THSD7B: variants seen among roughly 807,000 people sequenced by gnomAD.
THSD7B encodes thrombospondin type 1 domain containing 7B.
Under a neutral mutation model 213.6 loss-of-function variants are expected in THSD7B, and 138 were observed. That is an observed-to-expected ratio of 0.65 (90% CI 0.56 to 0.74). The LOEUF is 0.74. THSD7B is among the 30% of genes least tolerant of loss of function. THSD7B has a pLI of 0.00. For missense variants in THSD7B, 1,931 were observed against 1,991.5 expected (o/e 0.97, Z 0.58); for synonymous variants, 742 against 687.0 (o/e 1.08, Z -1.25).
chr2:136,882,042 A>G lies in THSD7B; in HGVS notation c.-35-102A>G, dbSNP rs141256107. 233 of 882,606 alleles carry G rather than the reference A, an allele frequency of 2.6e-4. No individual in the cohort carries two copies. The African/African-American group carries it at 3.8e-3, about 14-fold the overall frequency. The allele number at this position is 882,606 out of a possible 1,614,324, so 54.7% of individuals were successfully genotyped here. ...ATATGTACTATCTTCATGCTAATGA[A>G]AAACTTGCAATACCATCATAATAAA... On this transcript the variant is annotated intron_variant, in intron 1 of 27. Transcript: ENST00000409968.
At chr2:137,120,126 G>C (rs1282277671) in intron 5 of THSD7B, among the ~76,000 whole-genome samples, 1 of 152,092 alleles carries the variant, frequency 6.6e-6, no homozygotes, top group Non-Finnish European at 1.5e-5. Flanking sequence ...GAGATAACGG[G>C]ATAAAATAAC....
At chr2:137,658,571 A>C (rs1242327902) in intron 24 of THSD7B, among the ~76,000 whole-genome samples, 3 of 152,184 alleles carry the variant, frequency 2.0e-5, no homozygotes, top group African/African-American at 7.2e-5. Flanking sequence ...TGGTTGAAAG[A>C]ACGGAAACCC....
chr2:137,449,928 TC>T (rs1412816421), intron 14 of THSD7B, among the ~76,000 whole-genome samples: 1 of 152,072 alleles, frequency 6.6e-6, no homozygotes, highest in African/African-American at 2.4e-5. Context: ...CACAGTTCCT[TC>T]CCACACTCAA....
rs373203305 is a variant in THSD7B at position 137,108,377 on chromosome 2, T to C, written c.1200-6747T>C. ...ATAGTTTCTTAAATGTGCCTACTTT[T>C]CTAATTTTGGCTTTGCTAATTTAGG... is the stretch of plus-strand genomic sequence containing the variant. On this transcript the variant is annotated intron_variant, in intron 4 of 27. Coordinates refer to ENST00000409968, the MANE Select transcript of THSD7B (RefSeq NM_001316349.2). Among the ~76,000 whole-genome samples the C allele has an allele frequency of 8.5e-5, 13 of 152,376 alleles. No homozygotes were observed. In the East Asian group the frequency reaches 1.5e-3, roughly 18 times the overall value.
At chr2:137,347,899 G>C (rs1415559229) in intron 12 of THSD7B, among the ~76,000 whole-genome samples, 1 of 151,150 alleles carries the variant, frequency 6.6e-6, no homozygotes, top group African/African-American at 2.4e-5. Flanking sequence ...GAATTGTCAT[G>C]ATCAAATCAC....
At chr2:136,828,066 A>G (rs1682688163) in intron 1 of THSD7B, among the ~76,000 whole-genome samples, 1 of 151,944 alleles carries the variant, frequency 6.6e-6, no homozygotes, top group Non-Finnish European at 1.5e-5. Context: ...GTGAGTGAAG[A>G]TTGGGGTATA....
intron 1 of THSD7B, among the ~76,000 whole-genome samples, chr2:136,787,667 G>A (rs1681890902): frequency 6.6e-6 from 1 of 152,124 alleles, no homozygotes; most frequent in Admixed American, 6.5e-5. Context: ...AGTGGGTATG[G>A]TAGATTGTAT....
chr2:137,419,470 A>G (rs1205955337), intron 14 of THSD7B, among the ~76,000 whole-genome samples: 2 of 148,984 alleles, frequency 1.3e-5, no homozygotes, highest in Non-Finnish European at 3.0e-5. Context: ...AGCTCTCTGC[A>G]GAGATGGGAT....
At chr2:137,257,183 T>C (rs1682332276) in intron 10 of THSD7B, among the ~76,000 whole-genome samples, 1 of 152,196 alleles carries the variant, frequency 6.6e-6, no homozygotes, top group East Asian at 1.9e-4. Flanking sequence ...TCATGAGTTT[T>C]GGAGGGGGCA....
chr2:137,446,049 G>C (rs1687530157), intron 14 of THSD7B, among the ~76,000 whole-genome samples: 1 of 151,148 alleles, frequency 6.6e-6, no homozygotes, highest in Non-Finnish European at 1.5e-5. Context: ...TTTCCTTTTT[G>C]GTACTATGTT....
intron 2 of THSD7B, among the ~76,000 whole-genome samples, chr2:136,983,825 C>T (rs521560): frequency 0.41 from 62,291 of 152,026 alleles, 15,180 homozygotes; most frequent in Non-Finnish European, 0.55. Context: ...TTTCAGGAAC[C>T]GTCAGTTTGC....
At chr2:137,393,144 AG>A (rs1686075900) in intron 12 of THSD7B, among the ~76,000 whole-genome samples, 1 of 137,292 alleles carries the variant, frequency 7.3e-6, no homozygotes, top group Non-Finnish European at 1.6e-5. Flanking sequence ...TTTTTCTTCC[AG>A]CTTTTTTTTT....
intron 22 of THSD7B, among the ~76,000 whole-genome samples, chr2:137,655,936 C>G (rs1024392692): frequency 6.6e-6 from 1 of 152,068 alleles, no homozygotes; most frequent in Non-Finnish European, 1.5e-5. Flanking sequence ...TGTAGTCTAG[C>G]CCCTGTGAGC....
chr2:137,552,287 T>C (rs1378409592), intron 15 of THSD7B, among the ~76,000 whole-genome samples: 2 of 152,108 alleles, frequency 1.3e-5, no homozygotes, highest in Non-Finnish European at 2.9e-5. Flanking sequence ...TTTGCAGGAA[T>C]TTAGAACTAT....
intron 2 of THSD7B, among the ~76,000 whole-genome samples, chr2:136,990,203 GA>G (rs1488299355): frequency 1.3e-5 from 2 of 152,120 alleles, no homozygotes; most frequent in Non-Finnish European, 2.9e-5. Context: ...GTAGAACTTA[GA>G]ACTCTCATTG....
intron 1 of THSD7B, among the ~76,000 whole-genome samples, chr2:136,875,304 C>G (rs1683509427): frequency 6.6e-6 from 1 of 152,140 alleles, no homozygotes. Flanking sequence ...CACCTGTAGA[C>G]CCAGCTGCTC....
chr2:137,209,372 G>A (rs535162154), intron 7 of THSD7B, among the ~76,000 whole-genome samples: 2 of 152,032 alleles, frequency 1.3e-5, no homozygotes, highest in Non-Finnish European at 2.9e-5. Flanking sequence ...TTAAAAAATG[G>A]GTGGATTAAA....
chr2:137,248,932 C>T (rs1276397258), intron 10 of THSD7B, among the ~76,000 whole-genome samples: 1 of 152,154 alleles, frequency 6.6e-6, no homozygotes, highest in Non-Finnish European at 1.5e-5. Context: ...ATCGATGTCT[C>T]CAGACCCAGC....
intron 1 of THSD7B, among the ~76,000 whole-genome samples, chr2:136,781,478 G>A (rs1350227390): frequency 6.6e-6 from 1 of 151,230 alleles, no homozygotes; most frequent in Non-Finnish European, 1.5e-5. Context: ...CACCATGTTG[G>A]CCAGGCTGGT....
Sources: allele counts gnomAD v4.1 joint callset (sites outside exome capture counted in the v4.1 genomes callset), GRCh38; gene constraint gnomAD v4.1.1; transcripts MANE v1.5; gene names NCBI Gene and HGNC (gene_info 2026-07-23, HGNC 2026-07-21).